The following PAGE2B variants were observed in gnomAD, a reference collection of about 807,000 sequenced individuals.
PAGE2B encodes putative G antigen family E member 3.
In PAGE2B, 5 loss-of-function variants were observed where a neutral mutation model predicts 7.6. The ratio of observed to expected loss-of-function variants is 0.66; its 90% CI spans 0.34 to 1.38. The LOEUF is 1.38. Ranked by LOEUF, PAGE2B falls within the 40% of genes most tolerant of loss-of-function variation. The pLI, the probability that PAGE2B is intolerant of heterozygous loss-of-function variation, is 0.04. For synonymous variants in PAGE2B, 29 were observed against 26.7 expected (o/e 1.09, Z -0.27); for missense variants, 70 against 78.4 (o/e 0.89, Z 0.41).
chrX:55,037,822 G>A, the PAGE2B span, among the ~76,000 whole-genome samples: 15 of 101,009 alleles, frequency 1.5e-4, no homozygotes, highest in African/African-American at 4.4e-4. Flanking sequence ...AACACCGCAT[G>A]TTCTCACTCA....
upstream of PAGE2B, among the ~76,000 whole-genome samples, chrX:55,074,226 A>G (rs897430190): frequency 1.8e-5 from 2 of 111,915 alleles, no homozygotes; most frequent in African/African-American, 3.3e-5. Flanking sequence ...TAATATAAAA[A>G]TAATAACTAG....
chrX:55,043,882 C>A, the PAGE2B span, among the ~76,000 whole-genome samples: 1 of 109,236 alleles, frequency 9.2e-6, no homozygotes, highest in East Asian at 2.9e-4. Context: ...AGGAGAATCA[C>A]TTGAACCCAG....
the PAGE2B span, among the ~76,000 whole-genome samples, chrX:55,054,478 A>G: frequency 8.9e-6 from 1 of 112,353 alleles, no homozygotes; most frequent in Non-Finnish European, 1.9e-5. Context: ...TGGCATTGGG[A>G]AAAAATAAAT....
At chrX:55,043,492 G>GA in the PAGE2B span, among the ~76,000 whole-genome samples, 154 of 101,141 alleles carry the variant, frequency 1.5e-3, no homozygotes, top group African/African-American at 4.9e-3. Flanking sequence ...AAATCAGCAA[G>GA]AAAAAAAAAA....
At chrX:55,075,930 T>A (rs1380669916) in intron 1 of PAGE2B, 104 bp from the exon 2 acceptor site, 3 of 824,532 alleles carry the variant, frequency 3.6e-6, no homozygotes, top group Non-Finnish European at 5.1e-6. Flanking sequence ...GTTGAAAATA[T>A]TTTCAAAATT....
chrX:55,063,220 C>T, the PAGE2B span, among the ~76,000 whole-genome samples: 1 of 110,949 alleles, frequency 9.0e-6, no homozygotes, highest in African/African-American at 3.3e-5. Flanking sequence ...TTGATTTTCC[C>T]AATCCATTAA....
the PAGE2B span, chrX:55,054,902 A>G: frequency 8.9e-6 from 1 of 111,962 alleles, no homozygotes; most frequent in South Asian, 3.7e-4. Flanking sequence ...CTTTATGGTT[A>G]AGGGCAACTT....
the PAGE2B span, among the ~76,000 whole-genome samples, chrX:55,066,526 A>G: frequency 8.9e-6 from 1 of 112,165 alleles, no homozygotes; most frequent in African/African-American, 3.2e-5. Flanking sequence ...TTTCTCATTC[A>G]TGCTTGAATA....
the PAGE2B span, chrX:55,044,696 A>G: frequency 2.7e-5 from 3 of 112,013 alleles, no homozygotes; most frequent in East Asian, 5.6e-4. Flanking sequence ...ACCAGGCTTG[A>G]ATTAGGAGGA....
the PAGE2B span, chrX:55,054,827 A>C: frequency 8.9e-6 from 1 of 111,980 alleles, no homozygotes; most frequent in Admixed American, 9.5e-5. Context: ...AGAGAATGGT[A>C]GATATAACTG....
At chrX:55,030,177 G>A in the PAGE2B span, among the ~76,000 whole-genome samples, 2 of 111,355 alleles carry the variant, frequency 1.8e-5, no homozygotes, top group African/African-American at 6.5e-5. Flanking sequence ...AACTAGAAAG[G>A]GTGGTGGAAA....
the PAGE2B span, among the ~76,000 whole-genome samples, chrX:55,052,974 A>C: frequency 8.9e-6 from 1 of 112,763 alleles, no homozygotes; most frequent in South Asian, 3.6e-4. Context: ...TTGCTTATTG[A>C]TTATTAGTAG....
At chrX:55,053,387 A>G in the PAGE2B span, among the ~76,000 whole-genome samples, 4 of 111,676 alleles carry the variant, frequency 3.6e-5, no homozygotes, top group African/African-American at 1.3e-4. Flanking sequence ...GAGGGGAGGG[A>G]GAGCATCAGA....
chrX:55,062,757 C>T, the PAGE2B span, among the ~76,000 whole-genome samples: 1 of 111,653 alleles, frequency 9.0e-6, no homozygotes, highest in African/African-American at 3.2e-5. Context: ...GTCTTTAATA[C>T]ATTTTGATTT....
the PAGE2B span, among the ~76,000 whole-genome samples, chrX:55,069,725 T>C: frequency 2.7e-5 from 3 of 111,608 alleles, no homozygotes; most frequent in East Asian, 8.4e-4. Context: ...TCAGAGCCTG[T>C]TATTGGTCTA....
chrX:55,059,833 T>C, the PAGE2B span, among the ~76,000 whole-genome samples: 1 of 111,499 alleles, frequency 9.0e-6, no homozygotes, highest in Non-Finnish European at 1.9e-5. Flanking sequence ...ATCAATTAGA[T>C]TTTTTTAGAG....
At chrX:55,032,029 C>T in the PAGE2B span, among the ~76,000 whole-genome samples, 1 of 111,683 alleles carries the variant, frequency 9.0e-6, no homozygotes, top group Non-Finnish European at 1.9e-5. Context: ...TTTATTTAAA[C>T]ACTCCCTTAT....
At chrX:55,046,498 A>G in the PAGE2B span, among the ~76,000 whole-genome samples, 1 of 111,856 alleles carries the variant, frequency 8.9e-6, no homozygotes, top group South Asian at 3.7e-4. Context: ...GAACCTATGG[A>G]TTATATAAGG....
chrX:55,051,145 C>T, the PAGE2B span, among the ~76,000 whole-genome samples: 3 of 111,884 alleles, frequency 2.7e-5, no homozygotes, highest in Admixed American at 9.6e-5. Flanking sequence ...CCCCCACTCA[C>T]TTCTGGCTTG....
Sources: gnomAD v4.1 joint callset for allele counts (sites outside exome capture counted in the v4.1 genomes callset) on GRCh38, gnomAD v4.1.1 for gene constraint, MANE v1.5 for transcripts, NCBI Gene and HGNC (gene_info 2026-07-23, HGNC 2026-07-21) for gene names.